The following SNED1 variants were observed in gnomAD, a reference collection of about 807,000 sequenced individuals.
The protein encoded by SNED1 is sushi, nidogen and EGF-like domain-containing protein 1.
Under a neutral mutation model 166.7 loss-of-function variants are expected in SNED1, and 81 were observed. The ratio of observed to expected loss-of-function variants is 0.49; its 90% CI spans 0.41 to 0.58. SNED1 has a LOEUF of 0.58. Ranked by LOEUF, SNED1 falls within the 20% of genes least tolerant of loss-of-function variation. The probability of loss-of-function intolerance (pLI) is 0.00; values close to 1 mark genes in which losing one functional copy is unlikely to be tolerated. For missense variants in SNED1, 1,604 were observed against 2,000.2 expected, an observed-to-expected ratio of 0.80 and a Z score of 3.78; for synonymous variants, 762 against 822.0, an observed-to-expected ratio of 0.93 and a Z score of 1.25.
chr2:241,049,830 C>A lies in SNED1; in HGVS notation c.1632C>A (p.Pro544=). Reference sequence around the variant, plus strand: ...CCCCGCCCCCAGCCCTGCCATCACCCTGCGACTCGGACCCCTGCTTCAACG... The same window carrying A: ...CCCCGCCCCCAGCCCTGCCATCACCATGCGACTCGGACCCCTGCTTCAACG... ...DHNASHSLPS[P]CDSDPCFNGG... The change falls in exon 12 of 32, where the codon CCC becomes CCA. Residue 544 remains proline, a synonymous_variant. Transcript: ENST00000310397. 1.2e-6 allele frequency: 2 copies of A among 1,613,752 alleles called. No individual in the cohort carries two copies. Among genetic ancestry groups the A allele is most frequent in the African/African-American group, 1.3e-5 (1 of 75,052 alleles).
rs1559219204 is a variant in SNED1, at chr2:241,013,314, A to G, written c.213+14264A>G. On this transcript the variant is annotated intron_variant, in intron 1 of 31. Transcript: ENST00000310397. This position sits in a 1 kb window ranked among gnomAD's most constrained non-coding sequence, Gnocchi z 4.6. ...ACTCAACTTAATTTTCATTTTATTTATTTTATTTGAGAGACAGGGTCTCAC... is the reference window on the plus strand; with the variant it reads ...ACTCAACTTAATTTTCATTTTATTTGTTTTATTTGAGAGACAGGGTCTCAC... 2.0e-5 allele frequency among the ~76,000 whole-genome samples: 3 copies of G among 151,190 alleles called. No homozygotes were observed. Among genetic ancestry groups the G allele is most frequent in the African/African-American group, 7.3e-5 (3 of 41,102 alleles).
At chr2:241,010,497 C>CCTCCAAGT (rs1050077076) in intron 1 of SNED1, 3 of 152,454 alleles carry the variant, frequency 2.0e-5, no homozygotes, top group Non-Finnish European at 4.4e-5. Context: ...CGAGGAGCCT[C>CCTCCAAGT]CTCCAAGTCC....
chr2:241,071,892 C>T lies in SNED1; in HGVS notation c.3817+14C>T, dbSNP rs193209707. ...CCGTGAGATCACGTGAGTGCCAGGG[C>T]CTCCCCACCCACCTTGGTGGCCCAC... On this transcript the variant is annotated intron_variant, in intron 26 of 31. Coordinates refer to ENST00000310397, the MANE Select transcript of SNED1 (RefSeq NM_001080437.3). 3,846 of 1,586,188 alleles carry T rather than the reference C, an allele frequency of 2.4e-3. 11 individuals carry two copies. Among genetic ancestry groups the T allele is most frequent in the African/African-American group, 0.012 (863 of 74,484 alleles).
rs2060650674 is a variant in SNED1 at position 241,018,004 on chromosome 2, G to A, written c.214-12280G>A. Among the ~76,000 whole-genome samples the A allele has an allele frequency of 6.6e-6, 1 of 152,048 alleles. No individual in the cohort carries two copies. Among genetic ancestry groups the A allele is most frequent in the Non-Finnish European group, 1.5e-5 (1 of 68,034 alleles). On this transcript the variant is annotated intron_variant, in intron 1 of 31. Transcript: ENST00000310397. This position sits in a 1 kb window ranked among gnomAD's most constrained non-coding sequence, Gnocchi z 5.4. ...CGGAATTGAAAGTCTCATGTCCCGG[G>A]GACCCCCTCAGTTCCAGGCAAACCA...
At chr2:241,032,405 G>T (rs1276269219) in intron 2 of SNED1, among the ~76,000 whole-genome samples, 4 of 148,610 alleles carry the variant, frequency 2.7e-5, no homozygotes, top group African/African-American at 7.4e-5. Flanking sequence ...AGAAGTGCCA[G>T]TTTCCATTGT....
intron 1 of SNED1, among the ~76,000 whole-genome samples, chr2:241,021,473 A>G (rs1335830254): frequency 3.9e-5 from 6 of 152,204 alleles, no homozygotes; most frequent in African/African-American, 1.2e-4. Context: ...AGCTCCAGAC[A>G]GTCACAATCT....
At position 241,093,455 on chromosome 2, in the gene SNED1, AG is replaced by A; in HGVS notation, c.*1820del. The A allele has an allele frequency of 1.5e-5, 2 of 136,326 alleles. No individual in the cohort carries two copies. The highest frequency in any genetic ancestry group is 3.0e-5 in the Non-Finnish European group (2 of 66,958). The allele number at this position is 136,326 out of a possible 1,614,324, so 8.4% of individuals were successfully genotyped here. The stretch of plus-strand genomic sequence containing the variant: ...TGCTAATATGCTCCAGTGTTAGCTT[AG>A]AAGCCTTGTGTCAACAAGAACTGGC... On this transcript the variant is annotated 3_prime_UTR_variant, in exon 32 of 32. Coordinates refer to ENST00000310397, the MANE Select transcript of SNED1 (RefSeq NM_001080437.3).
At chr2:241,036,272 C>T (rs1245001097) in intron 4 of SNED1, among the ~76,000 whole-genome samples, 2 of 151,776 alleles carry the variant, frequency 1.3e-5, no homozygotes, top group African/African-American at 2.4e-5. Context: ...AACAGGCCCC[C>T]GCTTGCATCT....
At chr2:241,029,135 A>G (rs1434639292) in intron 1 of SNED1, among the ~76,000 whole-genome samples, 1 of 152,218 alleles carries the variant, frequency 6.6e-6, no homozygotes, top group Non-Finnish European at 1.5e-5. Context: ...GTAGCAAATA[A>G]TGACAGCGCA....
chr2:241,083,382 G>A (rs560863847), intron 29 of SNED1, among the ~76,000 whole-genome samples: 12 of 110,596 alleles, frequency 1.1e-4, no homozygotes, highest in African/African-American at 4.3e-4. Flanking sequence ...GTGTTTGTCC[G>A]GCATGAAATG....
intron 30 of SNED1, 102 bp from the exon 31 acceptor site, chr2:241,088,263 G>A (rs1024543743): frequency 4.4e-5 from 36 of 827,390 alleles, no homozygotes; most frequent in Non-Finnish European, 7.0e-5. Context: ...ATGTATGTGA[G>A]CTAAAGACAG....
chr2:241,053,672 C>T (rs547176587), intron 16 of SNED1, among the ~76,000 whole-genome samples: 9 of 152,292 alleles, frequency 5.9e-5, no homozygotes, highest in African/African-American at 2.2e-4. Flanking sequence ...GATTCAGGAC[C>T]TACCTCTTAC....
intron 24 of SNED1, among the ~76,000 whole-genome samples, chr2:241,071,060 G>A (rs559850087): frequency 3.3e-5 from 5 of 152,310 alleles, no homozygotes; most frequent in Admixed American, 2.0e-4. Context: ...TCTGTGAGCC[G>A]GCGTCAGAGT....
chr2:241,007,338 G>C (rs922932723), intron 1 of SNED1, among the ~76,000 whole-genome samples: 5 of 152,176 alleles, frequency 3.3e-5, no homozygotes, highest in African/African-American at 1.2e-4. Context: ...ACAGAAACTT[G>C]GTGCATTCAT....
intron 16 of SNED1, among the ~76,000 whole-genome samples, chr2:241,061,589 G>T (rs1318745153): frequency 6.6e-6 from 1 of 152,076 alleles, no homozygotes; most frequent in Non-Finnish European, 1.5e-5. Context: ...AACATTTTTT[G>T]TAAAAGCAAA....
At chr2:241,077,091 A>G (rs1379502701) in intron 27 of SNED1, among the ~76,000 whole-genome samples, 1 of 152,088 alleles carries the variant, frequency 6.6e-6, no homozygotes, top group Non-Finnish European at 1.5e-5. Flanking sequence ...AAAAAAAAAA[A>G]AAGAATTGAG....
chr2:241,020,875 T>C (rs1190626391), intron 1 of SNED1, among the ~76,000 whole-genome samples: 3 of 152,056 alleles, frequency 2.0e-5, no homozygotes, highest in African/African-American at 7.2e-5. Context: ...ACGGGCCCCC[T>C]CTTACCTCTG....
At chr2:241,050,857 C>T (rs13410845) in intron 12 of SNED1, among the ~76,000 whole-genome samples, 2,320 of 152,308 alleles carry the variant, frequency 0.015, 54 homozygotes, top group African/African-American at 0.053. Flanking sequence ...GCCCACATCT[C>T]CTCACTAGAC....
rs752409119 is a variant in SNED1, at chr2:241,048,716, C to A, written c.1454C>A (p.Thr485Asn). ...RNGGRCLGAN[T>N]TLCQCPLGFF... ...GGAGGCAGATGCCTGGGCGCCAACACCACCCTCTGCCAGTGCCCCCTGGGA... is the reference window on the plus strand; with the variant it reads ...GGAGGCAGATGCCTGGGCGCCAACAACACCCTCTGCCAGTGCCCCCTGGGA... The change falls in exon 10 of 32, where the codon ACC (threonine) becomes AAC (asparagine). Residue 485 changes from threonine (T) to asparagine (N), a missense_variant. By Grantham distance (65) the Thr-to-Asn change is moderately conservative. Coordinates refer to ENST00000310397, the MANE Select transcript of SNED1 (RefSeq NM_001080437.3). The A allele has an allele frequency of 1.6e-5, 25 of 1,612,872 alleles. No individual in the cohort carries two copies. The highest frequency in any genetic ancestry group is 1.6e-4 in the Middle Eastern group (1 of 6,082).
Sources: allele counts gnomAD v4.1 joint callset (sites outside exome capture counted in the v4.1 genomes callset), GRCh38; gene constraint gnomAD v4.1.1; non-coding constraint Gnocchi (gnomAD v3.1); transcripts MANE v1.5; gene names NCBI Gene and HGNC (gene_info 2026-07-23, HGNC 2026-07-21).